Variants in GRAMD4 observed in about 807,000 individuals in gnomAD.
The protein encoded by GRAMD4 is GRAM domain containing 4, also known as GRAM domain-containing protein 4.
A neutral mutation model predicts 83.9 loss-of-function variants in GRAMD4; 25 were observed. The ratio of observed to expected loss-of-function variants is 0.30; its 90% CI spans 0.22 to 0.42. The LOEUF is 0.42. GRAMD4 is among the 10% of genes least tolerant of loss of function. The pLI is 1.00. For missense variants in GRAMD4, 593 were observed against 788.7 expected, an observed-to-expected ratio of 0.75 and a Z score of 2.97; for synonymous variants, 336 against 320.9, an observed-to-expected ratio of 1.05 and a Z score of -0.50.
chr22:46,636,335 A>G (rs1015826144), intron 2 of GRAMD4, among the ~76,000 whole-genome samples: 1 of 152,188 alleles, frequency 6.6e-6, no homozygotes, highest in African/African-American at 2.4e-5. Context: ...CAGCTCCCAC[A>G]GGGTCCGTCC....
intron 1 of GRAMD4, among the ~76,000 whole-genome samples, chr22:46,623,609 G>A (rs1423031997): frequency 6.6e-6 from 1 of 151,954 alleles, no homozygotes; most frequent in Non-Finnish European, 1.5e-5. Flanking sequence ...TGTTAGCCAG[G>A]ATGGTCTCGA....
At position 46,672,212 on chromosome 22, in the gene GRAMD4, C is replaced by G. The variant is rs2082518609; in HGVS notation, c.1085-631C>G. Among the ~76,000 whole-genome samples the G allele has an allele frequency of 6.6e-6, 1 of 152,234 alleles. No homozygotes were observed. Among genetic ancestry groups the G allele is most frequent in the South Asian group, 2.1e-4 (1 of 4,836 alleles). On this transcript the variant is annotated intron_variant, in intron 13 of 18. Coordinates refer to ENST00000406902, the MANE Select transcript of GRAMD4 (RefSeq NM_015124.5). The surrounding 1 kb of genome is among the most constrained non-coding windows in gnomAD (Gnocchi z 4.7). ...GGTCCTGGGGCGCAGTCAGGCCTGG[C>G]TCTTCTGAGGTCGTGTTTAGTAGGG...
At chr22:46,676,809 G>A (rs1342382442) in intron 18 of GRAMD4, 141 bp downstream of exon 18, 3 of 775,664 alleles carry the variant, frequency 3.9e-6, no homozygotes, top group Non-Finnish European at 6.4e-6. Flanking sequence ...CTCCCTCGCA[G>A]CAGCTAGAGC....
chr22:46,677,654 G>T lies in GRAMD4; in HGVS notation c.*403G>T. ...CCCGCTCTCCAGAGGCCAGAAGCTC[G>T]TCCACCACCAAAGCCATAGCTGAAG... On this transcript the variant is annotated 3_prime_UTR_variant, in exon 19 of 19. Coordinates refer to ENST00000406902, the MANE Select transcript of GRAMD4 (RefSeq NM_015124.5). 1 of 996,438 alleles carries T rather than the reference G, an allele frequency of 1.0e-6. No homozygotes were observed. Among genetic ancestry groups the T allele is most frequent in the Non-Finnish European group, 1.2e-6 (1 of 836,606 alleles). The allele number at this position is 996,438 out of a possible 1,614,324, so 61.7% of individuals were successfully genotyped here.
chr22:46,675,773 G>A (rs2082588301), intron 17 of GRAMD4, among the ~76,000 whole-genome samples: 1 of 152,166 alleles, frequency 6.6e-6, no homozygotes. Context: ...GTCTCAAAGT[G>A]GAGGGGCTGG....
rs2081565750 is a variant in GRAMD4 at position 46,620,987 on chromosome 22, G to A, written c.-50+422G>A. On this transcript the variant is annotated intron_variant, in intron 1 of 18. Transcript: ENST00000406902. This position sits in a 1 kb window ranked among gnomAD's most constrained non-coding sequence, Gnocchi z 4.7. Reference sequence around the variant, plus strand: ...AGTTGCAGGGGCCCTGGGCTGCCAGGGGTGGGCCTGTAGGTGCAGGTGGAG... The same window carrying A: ...AGTTGCAGGGGCCCTGGGCTGCCAGAGGTGGGCCTGTAGGTGCAGGTGGAG... Among the ~76,000 whole-genome samples the A allele has an allele frequency of 6.6e-6, 1 of 152,120 alleles. No individual in the cohort carries two copies. The highest frequency in any genetic ancestry group is 1.5e-5 in the Non-Finnish European group (1 of 67,990).
intron 1 of GRAMD4, among the ~76,000 whole-genome samples, chr22:46,578,004 G>GT (rs2081061734): frequency 2.0e-5 from 3 of 152,188 alleles, no homozygotes; most frequent in African/African-American, 7.2e-5. Context: ...TTCTCAGCCG[G>GT]GTGGGCTGGT....
intron 1 of GRAMD4, among the ~76,000 whole-genome samples, chr22:46,577,505 C>T (rs1399891047): frequency 2.0e-5 from 3 of 151,066 alleles, no homozygotes; most frequent in Non-Finnish European, 3.0e-5. Flanking sequence ...GGCTGCTCCC[C>T]GCGGGCACCT....
intron 1 of GRAMD4, among the ~76,000 whole-genome samples, chr22:46,614,845 G>A (rs1230694915): frequency 7.1e-6 from 1 of 140,462 alleles, no homozygotes; most frequent in African/African-American, 2.7e-5. Flanking sequence ...TCCTGTGCTT[G>A]TAGCTTCCCC....
chr22:46,623,067 C>T (rs1019264142), intron 1 of GRAMD4, among the ~76,000 whole-genome samples: 1 of 152,130 alleles, frequency 6.6e-6, no homozygotes, highest in South Asian at 2.1e-4. Context: ...CCCATACTCC[C>T]GACGTCTGGC....
intron 16 of GRAMD4, among the ~76,000 whole-genome samples, chr22:46,675,267 G>A (rs756568185): frequency 6.7e-5 from 9 of 135,294 alleles, no homozygotes; most frequent in Admixed American, 1.5e-4. Flanking sequence ...GTGGCTGTGA[G>A]TGTTTCACAC....
chr22:46,611,974 G>A (rs1361372836), intron 1 of GRAMD4, among the ~76,000 whole-genome samples: 2 of 113,216 alleles, frequency 1.8e-5, no homozygotes, highest in African/African-American at 6.8e-5. Context: ...TCCAGCCTGG[G>A]AGACACAGCG....
At chr22:46,603,515 CTTTTTT>C (rs71192425) in intron 1 of GRAMD4, among the ~76,000 whole-genome samples, 6 of 81,588 alleles carry the variant, frequency 7.4e-5, no homozygotes, top group African/African-American at 2.2e-4. Flanking sequence ...GGCCTCTTCT[CTTTTTT>C]TTTTTTTTTT....
chr22:46,617,332 A>G (rs867413737), upstream of GRAMD4, among the ~76,000 whole-genome samples: 10 of 104,726 alleles, frequency 9.5e-5, no homozygotes, highest in African/African-American at 1.9e-4. Context: ...TCCCCTAAGC[A>G]TGTAGGTTCC....
chr22:46,602,288 TC>T (rs2081319188), intron 1 of GRAMD4, among the ~76,000 whole-genome samples: 1 of 152,202 alleles, frequency 6.6e-6, no homozygotes, highest in Non-Finnish European at 1.5e-5. Flanking sequence ...CATGCCACTC[TC>T]CACGTGGGAC....
At position 46,581,007 on chromosome 22, in the gene GRAMD4, CGT is replaced by C. The variant is rs543384234; in HGVS notation, c.-50+3720_-50+3721del. Among the ~76,000 whole-genome samples, 127 of 151,158 alleles carry C rather than the reference CGT, an allele frequency of 8.4e-4. 1 individual carries two copies. The highest frequency in any genetic ancestry group is 1.4e-3 in the Non-Finnish European group (92 of 67,888). On this transcript the variant is annotated intron_variant, in intron 1 of 1. Coordinates refer to the GRAMD4 transcript ENST00000431155. ...AAAGAAAGAAAGAAAAAAGAAAATG[CGT>C]GTTTCCCTAATTGGAGAAAGCCCTG...
intron 3 of GRAMD4, among the ~76,000 whole-genome samples, chr22:46,639,532 CTG>C (rs146592419): frequency 1.4e-5 from 2 of 147,014 alleles, no homozygotes; most frequent in African/African-American, 2.5e-5. Context: ...GTAGTTAACC[CTG>C]TGTGTGTGTG....
intron 2 of GRAMD4, among the ~76,000 whole-genome samples, chr22:46,631,239 A>G (rs1341670740): frequency 6.6e-6 from 1 of 152,206 alleles, no homozygotes; most frequent in East Asian, 1.9e-4. Flanking sequence ...CTGTTGTGCC[A>G]CCATCGCCAC....
chr22:46,584,486 T>C (rs957482405), intron 1 of GRAMD4, among the ~76,000 whole-genome samples: 5 of 152,168 alleles, frequency 3.3e-5, no homozygotes, highest in African/African-American at 1.2e-4. Flanking sequence ...TCTCCTTTCT[T>C]GCAGATCAAT....
Sources: allele counts gnomAD v4.1 joint callset (sites outside exome capture counted in the v4.1 genomes callset), GRCh38; gene constraint gnomAD v4.1.1; non-coding constraint Gnocchi (gnomAD v3.1); transcripts MANE v1.5; gene names NCBI Gene and HGNC (gene_info 2026-07-23, HGNC 2026-07-21).